ATG7: variants seen among roughly 807,000 people sequenced by gnomAD.
The protein encoded by ATG7 is autophagy related 7.
In ATG7, 70 loss-of-function variants were observed where a neutral mutation model predicts 82.4. The ratio of observed to expected loss-of-function variants is 0.85; its 90% CI spans 0.70 to 1.04. The LOEUF (loss-of-function observed/expected upper bound fraction) is 1.04, where lower values mean the gene tolerates loss of function less well. Among genes scored for constraint, ATG7 ranks in the 50% least tolerant of loss-of-function variants. The pLI, the probability that ATG7 is intolerant of heterozygous loss-of-function variation, is 0.00. For missense variants in ATG7, 792 were observed against 864.3 expected, an observed-to-expected ratio of 0.92 and a Z score of 1.05; for synonymous variants, 287 against 313.0, an observed-to-expected ratio of 0.92 and a Z score of 0.88.
intron 20 of ATG7, among the ~76,000 whole-genome samples, chr3:11,550,993 G>A (rs1314401194): frequency 6.6e-6 from 1 of 151,858 alleles, no homozygotes; most frequent in Admixed American, 6.6e-5. Flanking sequence ...GGTAAGGCAT[G>A]GAATCAATTT....
chr3:11,565,657 C>T, the ATG7 span, among the ~76,000 whole-genome samples: 40 of 152,340 alleles, frequency 2.6e-4, no homozygotes, highest in East Asian at 6.6e-3. The surrounding 1 kb of genome is among the most constrained non-coding windows in gnomAD (Gnocchi z 4.1). Context: ...GCAGCTCTCT[C>T]GTCCAGGACA....
At chr3:11,327,209 A>G (rs1430917335) in intron 9 of ATG7, among the ~76,000 whole-genome samples, 1 of 152,244 alleles carries the variant, frequency 6.6e-6, no homozygotes, top group African/African-American at 2.4e-5. Context: ...TTGCCTTCAC[A>G]GAGAGTTATA....
intron 19 of ATG7, among the ~76,000 whole-genome samples, chr3:11,386,715 C>T (rs1228133047): frequency 1.3e-5 from 2 of 152,154 alleles, no homozygotes; most frequent in Non-Finnish European, 2.9e-5. Context: ...ATCTCATTTA[C>T]CCAGCAAGGC....
At chr3:11,337,832 G>A (rs1952788370) in intron 11 of ATG7, among the ~76,000 whole-genome samples, 1 of 151,888 alleles carries the variant, frequency 6.6e-6, no homozygotes, top group South Asian at 2.1e-4. Context: ...TTGAAATTAT[G>A]TCTTATTTTT....
At chr3:11,401,386 C>T (rs1010161337) in intron 19 of ATG7, among the ~76,000 whole-genome samples, 13 of 152,108 alleles carry the variant, frequency 8.5e-5, no homozygotes, top group Non-Finnish European at 1.2e-4. Context: ...TGGCTTATGT[C>T]AGTCAAGTAT....
chr3:11,336,416 ATCT>A (rs1315628545), intron 11 of ATG7, among the ~76,000 whole-genome samples: 1 of 152,156 alleles, frequency 6.6e-6, no homozygotes, highest in Non-Finnish European at 1.5e-5. Context: ...CCTTTAACAC[ATCT>A]TCTTAATGCC....
intron 20 of ATG7, among the ~76,000 whole-genome samples, chr3:11,513,960 C>T (rs1441927597): frequency 1.3e-5 from 2 of 152,220 alleles, no homozygotes; most frequent in African/African-American, 4.8e-5. Flanking sequence ...ATCTCCCACG[C>T]TCAAGCAGTC....
chr3:11,286,614 A>C (rs1245283749), intron 3 of ATG7, among the ~76,000 whole-genome samples: 1 of 100,448 alleles, frequency 1.0e-5, no homozygotes, highest in Non-Finnish European at 1.8e-5. Context: ...TTTTTGAGAC[A>C]GGGTCTGGCT....
chr3:11,495,677 C>T (rs1312001823), intron 20 of ATG7, among the ~76,000 whole-genome samples: 2 of 36,810 alleles, frequency 5.4e-5, no homozygotes, highest in Non-Finnish European at 8.6e-5. Flanking sequence ...GTCTTTAAAA[C>T]TCCTGAAGCT....
the ATG7 span, among the ~76,000 whole-genome samples, chr3:11,567,979 G>A: frequency 6.6e-5 from 10 of 152,136 alleles, no homozygotes; most frequent in South Asian, 8.3e-4. Context: ...GAATTTAGAC[G>A]TCTGTTTACT....
intron 20 of ATG7, among the ~76,000 whole-genome samples, chr3:11,530,075 C>T (rs1006613096): frequency 6.6e-6 from 1 of 152,164 alleles, no homozygotes; most frequent in Admixed American, 6.5e-5. Flanking sequence ...GGACGCCTCT[C>T]GGTCTTGGCT....
intron 19 of ATG7, among the ~76,000 whole-genome samples, chr3:11,397,676 C>T (rs928075181): frequency 6.6e-6 from 1 of 151,686 alleles, no homozygotes; most frequent in Non-Finnish European, 1.5e-5. Flanking sequence ...AGGCTGATCT[C>T]GAACTCCTGA....
At chr3:11,521,362 G>A (rs1261182421) in intron 20 of ATG7, among the ~76,000 whole-genome samples, 1 of 152,122 alleles carries the variant, frequency 6.6e-6, no homozygotes, top group Non-Finnish European at 1.5e-5. Flanking sequence ...GACCTCACCT[G>A]GACTCATAAA....
At chr3:11,417,543 A>G (rs2081473988) in intron 19 of ATG7, among the ~76,000 whole-genome samples, 1 of 152,044 alleles carries the variant, frequency 6.6e-6, no homozygotes, top group African/African-American at 2.4e-5. Flanking sequence ...TCTACGTTTA[A>G]TGAATAAATG....
At chr3:11,523,541 C>T (rs950428268) in intron 20 of ATG7, among the ~76,000 whole-genome samples, 4 of 152,206 alleles carry the variant, frequency 2.6e-5, no homozygotes, top group Non-Finnish European at 5.9e-5. Flanking sequence ...GTCTGTGCTG[C>T]CATTCCTCAG....
At chr3:11,384,666 T>C (rs530057946) in intron 19 of ATG7, among the ~76,000 whole-genome samples, 2 of 152,340 alleles carry the variant, frequency 1.3e-5, no homozygotes, top group Non-Finnish European at 1.5e-5. Flanking sequence ...TTGTTACTTA[T>C]GAAGCATGAA....
At chr3:11,441,725 G>C (rs2083994705) in intron 20 of ATG7, among the ~76,000 whole-genome samples, 3 of 143,234 alleles carry the variant, frequency 2.1e-5, no homozygotes, top group South Asian at 4.5e-4. Context: ...GGAGTGCAAT[G>C]GCGTGATCTC....
At chr3:11,389,944 A>C (rs1179058266) in intron 19 of ATG7, among the ~76,000 whole-genome samples, 2 of 152,296 alleles carry the variant, frequency 1.3e-5, no homozygotes, top group East Asian at 3.9e-4. Context: ...GCCTGGGAAA[A>C]ATTTGGATTT....
At position 11,372,801 on chromosome 3, in the gene ATG7, G is replaced by GGT. The variant is rs10579739; in HGVS notation, c.1876-7157_1876-7156dup. Among the ~76,000 whole-genome samples, 82 of 147,560 alleles carry GGT rather than the reference G, an allele frequency of 5.6e-4. 3 individuals carry two copies. The highest frequency in any genetic ancestry group is 1.7e-3 in the African/African-American group (66 of 39,984). The stretch of plus-strand genomic sequence containing the variant: ...CTACAAAGTTGGTAGGTAAGGGCTG[G>GGT]GTGTGTGTGTGTGTGCGCGCGTGTG... On this transcript the variant is annotated intron_variant, in intron 18 of 20. Coordinates refer to ENST00000693202, the MANE Select transcript of ATG7 (RefSeq NM_001349232.2).
Sources: gnomAD v4.1 joint callset for allele counts (sites outside exome capture counted in the v4.1 genomes callset) on GRCh38, gnomAD v4.1.1 for gene constraint, Gnocchi (gnomAD v3.1) non-coding constraint, MANE v1.5 for transcripts, NCBI Gene and HGNC (gene_info 2026-07-23, HGNC 2026-07-21) for gene names.